The following ANKRD36 variants were observed in gnomAD, a reference collection of about 807,000 sequenced individuals.
ANKRD36 encodes ankyrin repeat domain-containing protein 36A.
ANKRD36 carries 179 observed loss-of-function variants against 278.1 expected under a neutral mutation model. The ratio of observed to expected loss-of-function variants is 0.64; its 90% confidence interval spans 0.57 to 0.73. ANKRD36 has a LOEUF of 0.73. Ranked by LOEUF, ANKRD36 falls within the 30% of genes least tolerant of loss-of-function variation. ANKRD36 has a pLI of 0.00. For synonymous variants in ANKRD36, 320 were observed against 641.1 expected (o/e 0.50, Z 7.57); for missense variants, 1,159 against 1,956.7 (o/e 0.59, Z 7.69).
chr2:97,192,721 C>A, intron 36 of ANKRD36, 137 bp from the exon 37 acceptor site: 1 of 1,257,368 alleles, frequency 8.0e-7, no homozygotes, highest in Non-Finnish European at 1.1e-6. Flanking sequence ...TTCTAGTCCC[C>A]AGACTAAAAG....
intron 38 of ANKRD36, among the ~76,000 whole-genome samples, 181 bp from the exon 39 acceptor site, chr2:97,194,545 C>T (rs1217301538): frequency 6.6e-6 from 1 of 151,578 alleles, no homozygotes; most frequent in Non-Finnish European, 1.5e-5. Context: ...TTCACGGAGC[C>T]TGTGTTCCCT....
chr2:97,115,447 AGAC>A (rs1277282488), intron 1 of ANKRD36, among the ~76,000 whole-genome samples: 1 of 152,178 alleles, frequency 6.6e-6, no homozygotes, highest in Admixed American at 6.6e-5. Flanking sequence ...AATTAACAAA[AGAC>A]AATATGTGTA....
rs372124262 is a variant in ANKRD36, at chr2:97,196,613, A to G, written c.2572A>G (p.Thr858Ala). The change falls in exon 41 of 76, where the codon ACC becomes GCC. Residue 858 changes from threonine to alanine, a missense_variant. Physicochemically the swap from Thr to Ala is moderately conservative, Grantham distance 58. Coordinates refer to ENST00000420699, the MANE Select transcript of ANKRD36 (RefSeq NM_001354587.1). ...SRKVSSQKPP[T>A]LKGTSDEEDS... ...TTCAGTGTCTTCTCAGAAACCACCAACCTTGAAGGTAATGAAACTCCCATT... is the reference window on the plus strand; with the variant it reads ...TTCAGTGTCTTCTCAGAAACCACCAGCCTTGAAGGTAATGAAACTCCCATT... 125 of 1,604,482 alleles carry G rather than the reference A, an allele frequency of 7.8e-5. No individual in the cohort carries two copies. The East Asian group carries it at 1.1e-3, about 14-fold the overall frequency.
At chr2:97,184,493 A>G (rs1209798451) in intron 28 of ANKRD36, among the ~76,000 whole-genome samples, 2 of 151,800 alleles carry the variant, frequency 1.3e-5, no homozygotes, top group Non-Finnish European at 2.9e-5. Context: ...GCAGACAAAA[A>G]TAATACTAAA....
chr2:97,212,965 G>A (rs2065066610), intron 58 of ANKRD36: 1 of 322,746 alleles, frequency 3.1e-6, no homozygotes. Context: ...GTAATTGTGT[G>A]CCTTCTCAGT....
At chr2:97,187,149 A>G (rs551930306) in intron 30 of ANKRD36, 49 bp from the exon 31 acceptor site, 1 of 1,606,670 alleles carries the variant, frequency 6.2e-7, no homozygotes, top group East Asian at 2.2e-5. Flanking sequence ...TGTATGGAAA[A>G]TGTATCATAT....
chr2:97,203,920 G>A (rs1161053230), intron 48 of ANKRD36, 148 bp from the exon 49 acceptor site: 75 of 1,306,754 alleles, frequency 5.7e-5, no homozygotes, highest in East Asian at 1.3e-4. Flanking sequence ...TTTCTGTCAC[G>A]TTCTAATCCC....
chr2:97,190,055 G>A (rs1322848155), intron 34 of ANKRD36, among the ~76,000 whole-genome samples: 2 of 87,110 alleles, frequency 2.3e-5, no homozygotes, highest in African/African-American at 5.3e-5. Context: ...CTTGTTCAAG[G>A]AGCTACCTCT....
At chr2:97,261,261 C>G (rs2076727489) in intron 75 of ANKRD36, among the ~76,000 whole-genome samples, 2 of 128,680 alleles carry the variant, frequency 1.6e-5, no homozygotes, top group African/African-American at 3.3e-5. Context: ...TATTTAAATA[C>G]TGGCATCATG....
rs1245527036 is a variant in ANKRD36, at chr2:97,198,598, G to C, written c.2695G>C (p.Glu899Gln). The change falls in exon 44 of 76, where the codon GAG (glutamate) becomes CAG (glutamine). Residue 899 changes from glutamate (E) to glutamine (Q), a missense_variant. Coordinates refer to ENST00000420699, the MANE Select transcript of ANKRD36 (RefSeq NM_001354587.1). ...KPPGLKASSA[E>Q]KDSVLNIARG... ...AAATTCCATTCAGGCTTCAAGTGCC[G>C]AGAAAGATTCTGTTTTGAATATAGC... 1 of 1,546,242 alleles carries C rather than the reference G, an allele frequency of 6.5e-7. No individual in the cohort carries two copies.
intron 15 of ANKRD36, among the ~76,000 whole-genome samples, chr2:97,157,140 T>G (rs977224966): frequency 6.6e-6 from 1 of 151,738 alleles, no homozygotes; most frequent in African/African-American, 2.4e-5. Context: ...CCTCTCTCTC[T>G]CTCTCTCTCT....
chr2:97,203,952 C>A, intron 48 of ANKRD36, 116 bp from the exon 49 acceptor site: 1 of 1,465,456 alleles, frequency 6.8e-7, no homozygotes, highest in Non-Finnish European at 9.2e-7. Flanking sequence ...TAGAAGCCAT[C>A]AAAGCATACG....
chr2:97,228,255 C>T (rs1404986410), intron 67 of ANKRD36, among the ~76,000 whole-genome samples: 5 of 152,076 alleles, frequency 3.3e-5, no homozygotes, highest in Non-Finnish European at 5.9e-5. Context: ...GGCTGTGAAT[C>T]CATCTGGTCC....
intron 24 of ANKRD36, 102 bp from the exon 25 acceptor site, chr2:97,181,496 G>A: frequency 6.6e-7 from 1 of 1,511,980 alleles, no homozygotes; most frequent in Non-Finnish European, 8.9e-7. Context: ...GCCTACACTA[G>A]TACAGGCAGG....
At chr2:97,223,438 T>C (rs1319082896) in intron 66 of ANKRD36, among the ~76,000 whole-genome samples, 1 of 151,864 alleles carries the variant, frequency 6.6e-6, no homozygotes, top group Admixed American at 6.6e-5. Flanking sequence ...TCTTCTTGCA[T>C]GAGTGGATTC....
chr2:97,116,148 T>C (rs1267556818), intron 1 of ANKRD36, among the ~76,000 whole-genome samples: 1 of 152,168 alleles, frequency 6.6e-6, no homozygotes, highest in Non-Finnish European at 1.5e-5. Context: ...GTATAAATGA[T>C]CAGTATGTTT....
chr2:97,222,903 A>G (rs1266267861), intron 66 of ANKRD36, among the ~76,000 whole-genome samples: 32 of 152,056 alleles, frequency 2.1e-4, no homozygotes, highest in African/African-American at 7.2e-4. Context: ...AAAGTGCCTT[A>G]GAGATTAGCA....
chr2:97,143,015 A>G (rs917707550), intron 8 of ANKRD36, among the ~76,000 whole-genome samples, 180 bp downstream of exon 8: 21 of 151,862 alleles, frequency 1.4e-4, no homozygotes, highest in African/African-American at 4.8e-4. Flanking sequence ...CCATGATCTC[A>G]GTATTAAGAT....
At chr2:97,175,634 C>T (rs2054016385) in intron 22 of ANKRD36, among the ~76,000 whole-genome samples, 2 of 151,740 alleles carry the variant, frequency 1.3e-5, no homozygotes, top group South Asian at 2.1e-4. Flanking sequence ...TTCAGTTCTG[C>T]TCTGATTTCA....
Sources: gnomAD v4.1 joint callset for allele counts (sites outside exome capture counted in the v4.1 genomes callset) on GRCh38, gnomAD v4.1.1 for gene constraint, MANE v1.5 for transcripts, NCBI Gene and HGNC (gene_info 2026-07-23, HGNC 2026-07-21) for gene names.